TMEM132D: variants seen among roughly 807,000 people sequenced by gnomAD.
TMEM132D encodes transmembrane protein 132D, also known as mature OL transmembrane protein.
TMEM132D carries 21 observed loss-of-function variants against 62.3 expected under a neutral mutation model. That is an observed-to-expected ratio of 0.34 (90% CI 0.24 to 0.49). The LOEUF (loss-of-function observed/expected upper bound fraction) is 0.49, where lower values mean the gene tolerates loss of function less well. Among genes scored for constraint, TMEM132D ranks in the 20% least tolerant of loss-of-function variants. TMEM132D has a pLI of 0.99. For missense variants in TMEM132D, 1,346 were observed against 1,402.8 expected, an observed-to-expected ratio of 0.96 and a Z score of 0.65; for synonymous variants, 621 against 575.6, an observed-to-expected ratio of 1.08 and a Z score of -1.13.
chr12:129,395,956 A>G (rs912741915), intron 3 of TMEM132D, among the ~76,000 whole-genome samples: 2 of 141,606 alleles, frequency 1.4e-5, no homozygotes, highest in Admixed American at 7.1e-5. Flanking sequence ...TTATAAAATA[A>G]TATATAATAT....
chr12:129,351,528 G>T (rs909439261), intron 3 of TMEM132D, among the ~76,000 whole-genome samples: 1 of 152,156 alleles, frequency 6.6e-6, no homozygotes, highest in African/African-American at 2.4e-5. Flanking sequence ...CTTGTGCTTT[G>T]ATCGAAGCCG....
intron 4 of TMEM132D, among the ~76,000 whole-genome samples, chr12:129,229,462 C>A (rs1447436861): frequency 6.6e-6 from 1 of 152,156 alleles, no homozygotes; most frequent in Non-Finnish European, 1.5e-5. Flanking sequence ...TAGCATAAAG[C>A]ATCTGCTCTT....
At chr12:129,222,133 A>T (rs571226370) in intron 4 of TMEM132D, among the ~76,000 whole-genome samples, 192 of 152,272 alleles carry the variant, frequency 1.3e-3, no homozygotes, top group African/African-American at 4.0e-3. Flanking sequence ...ATAAAATAAA[A>T]TAATTCTTCT....
At chr12:129,874,616 C>A (rs1874357088) in intron 1 of TMEM132D, among the ~76,000 whole-genome samples, 1 of 143,064 alleles carries the variant, frequency 7.0e-6, no homozygotes. Flanking sequence ...AAACGGAGGT[C>A]AAAAAGCTAC....
intron 3 of TMEM132D, among the ~76,000 whole-genome samples, chr12:129,517,579 G>A (rs919205393): frequency 6.6e-6 from 1 of 152,246 alleles, no homozygotes; most frequent in South Asian, 2.1e-4. Flanking sequence ...TGAGTGGGGT[G>A]GACCCATGGG....
At chr12:129,145,198 A>G (rs1242081107) in intron 5 of TMEM132D, among the ~76,000 whole-genome samples, 2 of 152,068 alleles carry the variant, frequency 1.3e-5, no homozygotes, top group East Asian at 3.8e-4. Context: ...AGTAGTTTCT[A>G]TTCCTTTCCT....
intron 3 of TMEM132D, among the ~76,000 whole-genome samples, chr12:129,396,673 G>A (rs1871442322): frequency 2.0e-5 from 3 of 152,156 alleles, no homozygotes. Context: ...GTTTCCCTAA[G>A]AGACAGAAGT....
intron 2 of TMEM132D, among the ~76,000 whole-genome samples, chr12:129,682,050 A>G: frequency 6.6e-6 from 1 of 152,246 alleles, no homozygotes; most frequent in East Asian, 1.9e-4. Context: ...GAGTTATCAA[A>G]GAAAATGCCT....
At position 129,203,979 on chromosome 12, in the gene TMEM132D, C is replaced by T. The variant is rs114887383; in HGVS notation, c.1443+5541G>A. ...GCCAGTCAACCGAACCCACCTTATGCCATAATCAAACCCCCTAGAACCTCA... is the reference window on the plus strand; with the variant it reads ...GCCAGTCAACCGAACCCACCTTATGTCATAATCAAACCCCCTAGAACCTCA... On this transcript the variant is annotated intron_variant, in intron 5 of 8. Transcript: ENST00000422113. Among the ~76,000 whole-genome samples the T allele has an allele frequency of 6.7e-3, 1,026 of 152,242 alleles. 7 individuals carry two copies. The highest frequency in any genetic ancestry group is 0.022 in the African/African-American group (921 of 41,528).
At chr12:129,426,686 C>A (rs1369793896) in intron 3 of TMEM132D, among the ~76,000 whole-genome samples, 2 of 152,216 alleles carry the variant, frequency 1.3e-5, no homozygotes, top group Non-Finnish European at 2.9e-5. Context: ...GACACATGTG[C>A]TTACTCTAAG....
In TMEM132D at chr12:129,386,696, ACCAATG is replaced by A. The variant is rs563915501; in HGVS notation, c.1116-48885_1116-48880del. The stretch of plus-strand genomic sequence containing the variant: ...CACCAACACCAATACTAACACTAAT[ACCAATG>A]CCAATGCCAACACTAACACCAACAC... On this transcript the variant is annotated intron_variant, in intron 3 of 8. Transcript: ENST00000422113. Among the ~76,000 whole-genome samples the A allele has an allele frequency of 2.0e-3, 295 of 151,056 alleles. 1 individual carries two copies. The highest frequency in any genetic ancestry group is 3.3e-3 in the Non-Finnish European group (222 of 67,900).
At chr12:129,259,673 A>G (rs1423545879) in intron 4 of TMEM132D, among the ~76,000 whole-genome samples, 1 of 152,194 alleles carries the variant, frequency 6.6e-6, no homozygotes, top group East Asian at 1.9e-4. Flanking sequence ...GCCCAGGTGT[A>G]AAATGGAGGT....
chr12:129,309,331 C>A (rs765306128), intron 4 of TMEM132D, among the ~76,000 whole-genome samples: 4 of 152,072 alleles, frequency 2.6e-5, no homozygotes, highest in Non-Finnish European at 5.9e-5. Flanking sequence ...AGGCATAGTC[C>A]AATTATCTAT....
At chr12:129,813,519 GC>G (rs1872250224) in intron 1 of TMEM132D, among the ~76,000 whole-genome samples, 1 of 151,058 alleles carries the variant, frequency 6.6e-6, no homozygotes, top group Admixed American at 6.6e-5. Flanking sequence ...TGGTAAATCT[GC>G]CCTCCCACAT....
chr12:129,677,820 A>G (rs1232173967), intron 2 of TMEM132D, among the ~76,000 whole-genome samples: 8 of 137,130 alleles, frequency 5.8e-5, no homozygotes, highest in African/African-American at 2.2e-4. Flanking sequence ...TAAATTTTCT[A>G]GTGATTTTGT....
chr12:129,357,710 A>G (rs1315679924), intron 3 of TMEM132D, among the ~76,000 whole-genome samples: 1 of 152,154 alleles, frequency 6.6e-6, no homozygotes, highest in East Asian at 1.9e-4. Flanking sequence ...GTGATGTGGC[A>G]AGGAGGCCAT....
chr12:129,608,096 G>T (rs1878678113), intron 2 of TMEM132D, among the ~76,000 whole-genome samples: 1 of 152,152 alleles, frequency 6.6e-6, no homozygotes, highest in African/African-American at 2.4e-5. Flanking sequence ...CAAACCCCTG[G>T]CTTTTAAACT....
At chr12:129,290,679 G>A (rs1300793567) in intron 4 of TMEM132D, among the ~76,000 whole-genome samples, 1 of 152,158 alleles carries the variant, frequency 6.6e-6, no homozygotes, top group Admixed American at 6.5e-5. Flanking sequence ...AAGGTTTCAG[G>A]ATGTGGGTGG....
chr12:129,137,518 C>T (rs572774730), intron 5 of TMEM132D, among the ~76,000 whole-genome samples: 28 of 152,180 alleles, frequency 1.8e-4, no homozygotes, highest in Non-Finnish European at 3.4e-4. Flanking sequence ...ATAAAAATTT[C>T]ATCCTTCACC....
Sources: gnomAD v4.1 joint callset for allele counts (sites outside exome capture counted in the v4.1 genomes callset) on GRCh38, gnomAD v4.1.1 for gene constraint, MANE v1.5 for transcripts, NCBI Gene and HGNC (gene_info 2026-07-23, HGNC 2026-07-21) for gene names.